The following GOLGA3 variants were observed in gnomAD, a reference collection of about 807,000 sequenced individuals.
The protein encoded by GOLGA3 is golgin subfamily A member 3.
Under a neutral mutation model 169.4 loss-of-function variants are expected in GOLGA3, and 75 were observed. The ratio of observed to expected loss-of-function variants is 0.44; its 90% CI spans 0.37 to 0.54. The LOEUF (loss-of-function observed/expected upper bound fraction) is 0.54. Among genes scored for constraint, GOLGA3 ranks in the 20% least tolerant of loss-of-function variants. The pLI is 0.00. For missense variants in GOLGA3, 1,899 were observed against 1,930.0 expected (o/e 0.98, Z 0.30); for synonymous variants, 824 against 822.4 (o/e 1.00, Z -0.03).
At position 132,801,966 on chromosome 12, in the gene GOLGA3, T is replaced by C. The variant is rs1290404084; in HGVS notation, c.1601A>G (p.His534Arg). 6.3e-7 allele frequency: 1 copy of C among 1,596,148 alleles called. No individual in the cohort carries two copies. ...GGCTGTCATCTGCTGTCGCAGGTCG[T>C]GCACTGAAATGGGGCAAGCACAGCG... is the stretch of plus-strand genomic sequence containing the variant. ...RSMLSKDNTV[H>R]DLRQQMTALQ... The change falls in exon 8 of 24, where the codon CAC becomes CGC. Residue 534 changes from histidine to arginine, a missense_variant. Coordinates refer to ENST00000450791, the MANE Select transcript of GOLGA3 (RefSeq NM_001389683.1).
At chr12:132,823,512 G>T (rs1431185398) in intron 1 of GOLGA3, among the ~76,000 whole-genome samples, 1 of 152,256 alleles carries the variant, frequency 6.6e-6, no homozygotes, top group African/African-American at 2.4e-5. Context: ...GGGGCCGGGT[G>T]CGGTGGCTCA....
rs374342435 is a variant in GOLGA3, at chr12:132,822,066, C to T, written c.63G>A (p.Ser21=). The change falls in exon 2 of 24, where the codon TCG becomes TCA. Residue 21 remains serine (S), a synonymous_variant. Transcript: ENST00000450791. The part of the protein sequence containing the change: ...LQEDRSHSGP[S]SLPEAPLKPP... The stretch of plus-strand genomic sequence containing the variant: ...GCTTCAGTGGGGCCTCGGGGAGAGA[C>T]GAGGGGCCACTGTGGGATCTGTCCT... 25 of 1,605,672 alleles carry T rather than the reference C, an allele frequency of 1.6e-5. No homozygotes were observed. Among genetic ancestry groups the T allele is most frequent in the Middle Eastern group, 1.6e-4 (1 of 6,064 alleles).
In GOLGA3 at chr12:132,808,475, T is replaced by TA; in HGVS notation, c.593dup (p.Leu198PhefsTer25). 6.2e-7 allele frequency: 1 copy of TA among 1,614,070 alleles called. No individual in the cohort carries two copies. The highest frequency in any genetic ancestry group is 8.5e-7 in the Non-Finnish European group (1 of 1,179,940). The stretch of plus-strand genomic sequence containing the variant: ...TCATAGCCAGGGTACTGGCCCTTGG[T>TA]AAGTTTTCTGGGTTTAACATGAGCT... On this transcript the variant is annotated frameshift_variant, in exon 5 of 24. Coordinates refer to ENST00000450791, the MANE Select transcript of GOLGA3 (RefSeq NM_001389683.1). LOFTEE classifies it high-confidence loss of function.
At chr12:132,813,280 G>A (rs377097659) in intron 4 of GOLGA3, 27 bp downstream of exon 4, 23 of 1,471,222 alleles carry the variant, frequency 1.6e-5, no homozygotes, top group East Asian at 2.3e-5. Context: ...AGCTTTCCAT[G>A]AGCTTGTTCG....
chr12:132,775,097 A>G lies in GOLGA3; in HGVS notation c.4143+44T>C, dbSNP rs745930014. 2.2e-5 allele frequency: 35 copies of G among 1,572,364 alleles called. No homozygotes were observed. The East Asian group carries it at 7.8e-4, about 35-fold the overall frequency. ...GCCAGCCTCCTGTCCGAGAGCATCT[A>G]CAGCGCACGTCGGCTACCCCGGGAG... On this transcript the variant is annotated intron_variant, in intron 22 of 23. Coordinates refer to ENST00000450791, the MANE Select transcript of GOLGA3 (RefSeq NM_001389683.1).
intron 1 of GOLGA3, among the ~76,000 whole-genome samples, chr12:132,825,059 C>T (rs548237533): frequency 1.3e-5 from 2 of 152,296 alleles, no homozygotes; most frequent in South Asian, 2.1e-4. Context: ...GACTCGACTG[C>T]GCCACTGAAT....
At chr12:132,812,192 T>TACAC (rs140337948) in intron 4 of GOLGA3, among the ~76,000 whole-genome samples, 29,342 of 134,754 alleles carry the variant, frequency 0.22, 3,585 homozygotes, top group African/African-American at 0.32. Flanking sequence ...TGTCTCAAAA[T>TACAC]ACACACACAC....
chr12:132,798,456 C>A lies in GOLGA3; in HGVS notation c.1822G>T (p.Gly608Cys), dbSNP rs768043775. ...HIQVGQMTQA[G>C]LLEHLKLENV... ...TCGAGTTTCAGGTGCTCCAGGAGAC[C>A]TGCCTGGGTCATCTGTCCAACCTTA... The change falls in exon 9 of 24, where the codon GGT (glycine) becomes TGT (cysteine). Residue 608 changes from glycine to cysteine, a missense_variant. By Grantham distance (159) the Gly-to-Cys change is radical. Coordinates refer to ENST00000450791, the MANE Select transcript of GOLGA3 (RefSeq NM_001389683.1). The A allele has an allele frequency of 4.8e-5, 77 of 1,610,018 alleles. No homozygotes were observed. Among genetic ancestry groups the A allele is most frequent in the Non-Finnish European group, 5.8e-5 (68 of 1,178,814 alleles).
intron 16 of GOLGA3, among the ~76,000 whole-genome samples, chr12:132,782,946 G>A (rs540416468): frequency 1.3e-5 from 2 of 151,654 alleles, no homozygotes; most frequent in African/African-American, 4.8e-5. Context: ...TGGGCTGGAC[G>A]CAGTGACTCA....
intron 15 of GOLGA3, among the ~76,000 whole-genome samples, chr12:132,784,532 A>G (rs1034967198): frequency 6.6e-6 from 1 of 152,210 alleles, no homozygotes; most frequent in Non-Finnish European, 1.5e-5. Flanking sequence ...TCATCTCTTC[A>G]GTTCAATGCT....
intron 12 of GOLGA3, among the ~76,000 whole-genome samples, chr12:132,790,423 A>G (rs2046167588): frequency 6.6e-6 from 1 of 152,174 alleles, no homozygotes; most frequent in South Asian, 2.1e-4. Context: ...AGCACTCACA[A>G]TATAGCTTCG....
chr12:132,814,996 T>A (rs979755708), intron 3 of GOLGA3, among the ~76,000 whole-genome samples: 1 of 152,174 alleles, frequency 6.6e-6, no homozygotes, highest in African/African-American at 2.4e-5. Flanking sequence ...TAGGAAAGCA[T>A]AATCACACAG....
Position 132,822,270 on chromosome 12 carries a change from C to T in GOLGA3, c.-142G>A. 7.1e-7 allele frequency: 1 copy of T among 1,398,846 alleles called. No individual in the cohort carries two copies. The highest frequency in any genetic ancestry group is 9.2e-7 in the Non-Finnish European group (1 of 1,082,774). 86.7% of individuals were successfully genotyped at this position (1,398,846 alleles called of 1,614,324 possible). On this transcript the variant is annotated 5_prime_UTR_variant, in exon 2 of 24. Coordinates refer to ENST00000450791, the MANE Select transcript of GOLGA3 (RefSeq NM_001389683.1). Reference sequence around the variant, plus strand: ...CCATTTTCAGGAGAAGATCTGATGACTCACAAATGACTTGATGTCAAACCA... The same window carrying T: ...CCATTTTCAGGAGAAGATCTGATGATTCACAAATGACTTGATGTCAAACCA...
In GOLGA3 at chr12:132,777,071, A is replaced by G; in HGVS notation, c.3742T>C (p.Ser1248Pro). 6.3e-7 allele frequency: 1 copy of G among 1,598,098 alleles called. No homozygotes were observed. Among genetic ancestry groups the G allele is most frequent in the Non-Finnish European group, 8.5e-7 (1 of 1,174,072 alleles). ...DDLQIREGKH[S>P]QEIAQFQAEL... ...GCTTGGAACTGTGCTATCTCCTGGG[A>G]ATGTTTCCCCTCCCGAATCCTAGCG... is the stretch of plus-strand genomic sequence containing the variant. The change falls in exon 20 of 24, where the codon TCC becomes CCC. Residue 1248 changes from serine (S) to proline (P), a missense_variant. Coordinates refer to ENST00000450791, the MANE Select transcript of GOLGA3 (RefSeq NM_001389683.1). This position sits in a 1 kb window ranked among gnomAD's most constrained non-coding sequence, Gnocchi z 4.7.
chr12:132,773,574 G>A (rs559882307), intron 23 of GOLGA3, among the ~76,000 whole-genome samples: 2 of 152,200 alleles, frequency 1.3e-5, no homozygotes, highest in African/African-American at 4.8e-5. Context: ...CCCTCGGGGC[G>A]CCGCCTGGCT....
Position 132,781,023 on chromosome 12 carries a change from G to A in GOLGA3, c.3466-109C>T, listed in dbSNP as rs1020842471. The A allele has an allele frequency of 3.3e-5, 25 of 760,650 alleles. No homozygotes were observed. The East Asian group carries it at 4.0e-4, about 12-fold the overall frequency. The allele number at this position is 760,650 out of a possible 1,614,324, so 47.1% of individuals were successfully genotyped here. A position where few individuals can be genotyped will look rare whatever the true frequency, so the allele number is the denominator to read the frequency against. On this transcript the variant is annotated intron_variant, in intron 17 of 23. Coordinates refer to ENST00000450791, the MANE Select transcript of GOLGA3 (RefSeq NM_001389683.1). ...CGCCACATCACAGGCACACGCCAGGGAGGTAGAGGGAACTTCACTGCTGAA... is the reference window on the plus strand; with the variant it reads ...CGCCACATCACAGGCACACGCCAGGAAGGTAGAGGGAACTTCACTGCTGAA...
Position 132,789,167 on chromosome 12 carries a change from G to A in GOLGA3, c.2671C>T (p.His891Tyr). Residue 891 changes from histidine (H) to tyrosine (Y), a missense_variant, in exon 13 of 24, where the codon CAC becomes TAC. Coordinates refer to ENST00000450791, the MANE Select transcript of GOLGA3 (RefSeq NM_001389683.1). Reference protein sequence around the residue: ...KELRQELMQVHGEKRTAEAEL... With the variant: ...KELRQELMQVYGEKRTAEAEL... ...GCCTCGGCAGTCCGCTTCTCCCCGT[G>A]CACTTGCATCAGCTCCTGCCGCAGC... 1 of 1,612,256 alleles carries A rather than the reference G, an allele frequency of 6.2e-7. No individual in the cohort carries two copies. Among genetic ancestry groups the A allele is most frequent in the Non-Finnish European group, 8.5e-7 (1 of 1,180,032 alleles).
chr12:132,826,280 C>T (rs563934152), intron 1 of GOLGA3: 42 of 1,024,762 alleles, frequency 4.1e-5, no homozygotes, highest in Non-Finnish European at 5.6e-5. Flanking sequence ...AGCAGCATCA[C>T]GGCCACGGCC....
intron 2 of GOLGA3, among the ~76,000 whole-genome samples, chr12:132,819,166 G>C (rs143186056): frequency 9.7e-4 from 148 of 152,184 alleles, no homozygotes; most frequent in Non-Finnish European, 1.8e-3. Flanking sequence ...GTGTCTCACA[G>C]GGGTCAGCAT....
Sources: gnomAD v4.1 joint callset for allele counts (sites outside exome capture counted in the v4.1 genomes callset) on GRCh38, gnomAD v4.1.1 for gene constraint, Gnocchi (gnomAD v3.1) non-coding constraint, MANE v1.5 for transcripts, NCBI Gene and HGNC (gene_info 2026-07-23, HGNC 2026-07-21) for gene names.